Variants in FGD2 observed in about 807,000 individuals in gnomAD.
The protein encoded by FGD2 is FYVE, RhoGEF and PH domain-containing protein 2.
Under a neutral mutation model 75.9 loss-of-function variants are expected in FGD2, and 52 were observed. The ratio of observed to expected loss-of-function variants is 0.69; its 90% CI spans 0.55 to 0.86. The LOEUF is 0.86. Ranked by LOEUF, FGD2 falls within the 40% of genes least tolerant of loss-of-function variation. FGD2 has a pLI of 0.00. For missense variants in FGD2, 790 were observed against 872.0 expected, an observed-to-expected ratio of 0.91 and a Z score of 1.18; for synonymous variants, 347 against 348.6, an observed-to-expected ratio of 1.00 and a Z score of 0.05.
intron 9 of FGD2, among the ~76,000 whole-genome samples, chr6:37,016,211 G>A (rs73730514): frequency 6.6e-6 from 1 of 151,722 alleles, no homozygotes; most frequent in Non-Finnish European, 1.5e-5. Context: ...AGGTCTGGGT[G>A]GGGGGGTGCC....
chr6:37,026,782 G>A (rs1030952087), intron 14 of FGD2, among the ~76,000 whole-genome samples: 13 of 151,590 alleles, frequency 8.6e-5, no homozygotes, highest in Non-Finnish European at 1.8e-4. Flanking sequence ...GATGGATCAC[G>A]TGCGGTCAGG....
chr6:37,013,650 C>T lies in FGD2; in HGVS notation c.569C>T (p.Ala190Val), dbSNP rs1372230196. Reference protein sequence around the residue: ...PRIGDVIQKLAPFLKMYSEYV... With the variant: ...PRIGDVIQKLVPFLKMYSEYV... ...ATCGGTGACGTGATCCAGAAGCTGGCCCCCTTCCTGAAGATGTACAGTGAG... is the reference window on the plus strand; with the variant it reads ...ATCGGTGACGTGATCCAGAAGCTGGTCCCCTTCCTGAAGATGTACAGTGAG... The change falls in exon 5 of 16, where the codon GCC (alanine) becomes GTC (valine). Residue 190 changes from alanine (A) to valine (V), a missense_variant. Ala to Val is a moderately conservative substitution (Grantham distance 64). Transcript: ENST00000274963. The T allele has an allele frequency of 1.2e-5, 19 of 1,614,050 alleles. No individual in the cohort carries two copies. The highest frequency in any genetic ancestry group is 1.6e-5 in the Non-Finnish European group (19 of 1,179,958).
intron 2 of FGD2, chr6:37,009,292 T>G (rs1363762933): frequency 4.0e-6 from 2 of 494,666 alleles, no homozygotes; most frequent in African/African-American, 2.0e-5. Context: ...CGTGTAGGAG[T>G]TTTTTGGACA....
intron 4 of FGD2, among the ~76,000 whole-genome samples, chr6:37,012,633 G>C (rs1015619643): frequency 6.6e-6 from 1 of 151,190 alleles, no homozygotes; most frequent in Non-Finnish European, 1.5e-5. Context: ...GATTGCTGGA[G>C]CCCGGAAAGT....
chr6:37,014,777 C>G (rs1765196075), intron 7 of FGD2, 73 bp downstream of exon 7: 1 of 1,609,846 alleles, frequency 6.2e-7, no homozygotes, highest in African/African-American at 1.3e-5. Flanking sequence ...CCCATGACAC[C>G]TATCCCACTG....
At chr6:37,015,936 A>G (rs755723536) in intron 9 of FGD2, 76 bp downstream of exon 9, 1 of 1,344,830 alleles carries the variant, frequency 7.4e-7, no homozygotes, top group Admixed American at 2.3e-5. Flanking sequence ...GGAGGGGCCA[A>G]CCAGGTTCTC....
intron 12 of FGD2, 74 bp from the exon 13 acceptor site, chr6:37,022,165 C>T (rs372296109): frequency 6.6e-7 from 1 of 1,521,978 alleles, no homozygotes; most frequent in Non-Finnish European, 8.8e-7. Flanking sequence ...GGGCACAGGG[C>T]CCCAGGCCCT....
intron 6 of FGD2, chr6:37,014,355 T>C (rs1274138612): frequency 1.8e-5 from 11 of 616,368 alleles, no homozygotes; most frequent in Non-Finnish European, 2.8e-5. Flanking sequence ...GCCTATGTGA[T>C]ACCAAAGCCC....
Position 37,028,615 on chromosome 6 carries a change from C to CTTTTTTTTTTTTTTTTTTTGTTTTT in FGD2, c.*469_*470insTTGTTTTTTTTTTTTTTTTTTTTTT, listed in dbSNP as rs386406733. ...GGCTGAGTTGGGGGAGGCATGGGGT[C>CTTTTTTTTTTTTTTTTTTTGTTTTT]TTTTTTTTTTTTTTTTTGAGACAGA... On this transcript the variant is annotated 3_prime_UTR_variant, in exon 16 of 16. Transcript: ENST00000274963. The CTTTTTTTTTTTTTTTTTTTGTTTTT allele has an allele frequency of 1.3e-5, 1 of 79,024 alleles. No homozygotes were observed. Among genetic ancestry groups the CTTTTTTTTTTTTTTTTTTTGTTTTT allele is most frequent in the African/African-American group, 5.5e-5 (1 of 18,142 alleles). The allele number at this position is 79,024 out of a possible 1,614,324, so 4.9% of individuals were successfully genotyped here. A position where few individuals can be genotyped will look rare whatever the true frequency, so the allele number is the denominator to read the frequency against.
intron 13 of FGD2, chr6:37,022,576 A>C (rs2150782192): frequency 1.6e-6 from 1 of 640,734 alleles, no homozygotes; most frequent in Non-Finnish European, 2.4e-6. Flanking sequence ...TTTCCTACCT[A>C]GGCTTCCACT....
intron 13 of FGD2, chr6:37,023,668 C>G (rs1765692548): frequency 6.6e-6 from 1 of 152,172 alleles, no homozygotes; most frequent in Non-Finnish European, 1.5e-5. Flanking sequence ...CAACTGCAAT[C>G]AGGACAGAGT....
In FGD2 at chr6:37,013,765, G is replaced by T; in HGVS notation, c.684G>T (p.Gln228His). The T allele has an allele frequency of 6.2e-7, 1 of 1,613,872 alleles. No homozygotes were observed. Among genetic ancestry groups the T allele is most frequent in the Non-Finnish European group, 8.5e-7 (1 of 1,179,888 alleles). Residue 228 changes from glutamine (Q) to histidine (H), a missense_variant and splice_region_variant, in exon 5 of 16, where the codon CAG becomes CAT. Gln to His is a conservative substitution (Grantham distance 24). Coordinates refer to ENST00000274963, the MANE Select transcript of FGD2 (RefSeq NM_173558.4). The part of the protein sequence containing the change: ...PLFQEVLTRI[Q>H]SSEASGSLTL... ...TCCAGGAGGTTCTCACTCGCATCCA[G>T]GTGAGGCTGGGGGAGGGCTGGAGTC... is the stretch of plus-strand genomic sequence containing the variant.
At chr6:37,022,495 C>A (rs1476910396) in intron 13 of FGD2, 125 bp downstream of exon 13, 3 of 1,336,484 alleles carry the variant, frequency 2.2e-6, no homozygotes, top group Non-Finnish European at 2.9e-6. Flanking sequence ...ACCTGCCCCA[C>A]CTCGGCCTCC....
Position 37,005,765 on chromosome 6 carries a change from G to A in FGD2, c.-53G>A. On this transcript the variant is annotated 5_prime_UTR_variant, in exon 1 of 16. Coordinates refer to ENST00000274963, the MANE Select transcript of FGD2 (RefSeq NM_173558.4). ...AGCGTGGCTGAGTGTGCTGGCTGGAGGCCTCTCTCTCTGCTTCGAGGGTAG... is the reference window on the plus strand; with the variant it reads ...AGCGTGGCTGAGTGTGCTGGCTGGAAGCCTCTCTCTCTGCTTCGAGGGTAG... The A allele has an allele frequency of 6.3e-7, 1 of 1,590,390 alleles. No homozygotes were observed. The highest frequency in any genetic ancestry group is 1.1e-5 in the South Asian group (1 of 88,954).
rs771370154 is a variant in FGD2, at chr6:37,008,882, C to T, written c.117C>T (p.His39=). 18 of 1,613,560 alleles carry T rather than the reference C, an allele frequency of 1.1e-5. No individual in the cohort carries two copies. In the South Asian group the frequency reaches 2.0e-4, roughly 18 times the overall value. ...PRGQRLEDVH[H]RPECRPPESP... ...GCCAGAGGCTAGAGGACGTGCATCA[C>T]CGCCCTGAGTGCAGGCCTCCCGAGT... The change falls in exon 2 of 16, where the codon CAC becomes CAT. Residue 39 remains histidine (H), a synonymous_variant. Coordinates refer to ENST00000274963, the MANE Select transcript of FGD2 (RefSeq NM_173558.4).
chr6:37,026,370 G>A, intron 14 of FGD2: 1 of 985,392 alleles, frequency 1.0e-6, no homozygotes, highest in African/African-American at 1.7e-5. Flanking sequence ...GGGACTCCAG[G>A]GGCCAGTCGG....
chr6:37,013,850 C>G lies in FGD2; in HGVS notation c.684+85C>G, dbSNP rs1444552498. 5 of 1,587,560 alleles carry G rather than the reference C, an allele frequency of 3.1e-6. No individual in the cohort carries two copies. The East Asian group carries it at 1.1e-4, about 36-fold the overall frequency. Reference sequence around the variant, plus strand: ...TGCCTTGAGTGATTCCGGGCATCTCCCAGGCTCAGCTGCTTCCATAGGCCC... The same window carrying G: ...TGCCTTGAGTGATTCCGGGCATCTCGCAGGCTCAGCTGCTTCCATAGGCCC... On this transcript the variant is annotated intron_variant, in intron 5 of 15. Transcript: ENST00000274963.
chr6:37,014,236 C>A, intron 6 of FGD2, 136 bp downstream of exon 6: 1 of 1,091,888 alleles, frequency 9.2e-7, no homozygotes, highest in Non-Finnish European at 1.3e-6. Flanking sequence ...AGACATCATC[C>A]ATACCATTAG....
intron 3 of FGD2, 75 bp downstream of exon 3, chr6:37,011,125 C>A: frequency 1.4e-6 from 2 of 1,403,686 alleles, no homozygotes; most frequent in Non-Finnish European, 2.0e-6. Context: ...AGCCTTCCCA[C>A]CCTGCTCACC....
Sources: allele counts gnomAD v4.1 joint callset (sites outside exome capture counted in the v4.1 genomes callset), GRCh38; gene constraint gnomAD v4.1.1; transcripts MANE v1.5; gene names NCBI Gene and HGNC (gene_info 2026-07-23, HGNC 2026-07-21).